Variants in RALGAPA1 observed in about 807,000 individuals in gnomAD.
RALGAPA1 encodes the protein Ral GTPase activating protein catalytic subunit alpha 1.
Under a neutral mutation model 269.6 loss-of-function variants are expected in RALGAPA1, and 52 were observed. The ratio of observed to expected loss-of-function variants is 0.19; its 90% CI spans 0.15 to 0.24. RALGAPA1 has a LOEUF of 0.24. Among genes scored for constraint, RALGAPA1 ranks in the 10% least tolerant of loss-of-function variants. The pLI is 1.00. For missense variants in RALGAPA1, 1,917 were observed against 3,013.9 expected (o/e 0.64, Z 8.52); for synonymous variants, 817 against 1,008.3 (o/e 0.81, Z 3.60).
intron 11 of RALGAPA1, among the ~76,000 whole-genome samples, chr14:35,738,942 T>C (rs1276234177): frequency 1.3e-5 from 2 of 152,170 alleles, no homozygotes; most frequent in Non-Finnish European, 2.9e-5. Flanking sequence ...AACCTCCCTT[T>C]CATACTCTCA....
At chr14:35,641,055 C>A (rs2061994786) in intron 31 of RALGAPA1, among the ~76,000 whole-genome samples, 1 of 151,866 alleles carries the variant, frequency 6.6e-6, no homozygotes, top group East Asian at 1.9e-4. Flanking sequence ...ACACCTCCTC[C>A]CCTCCCCCCA....
intron 16 of RALGAPA1, among the ~76,000 whole-genome samples, chr14:35,710,354 C>T (rs530015285): frequency 1.1e-4 from 16 of 152,260 alleles, no homozygotes; most frequent in African/African-American, 3.4e-4. Flanking sequence ...CTCTGCCTCT[C>T]GGGCTCAAGC....
At chr14:35,774,836 C>G (rs1374853295) in intron 3 of RALGAPA1, among the ~76,000 whole-genome samples, 170 bp downstream of exon 3, 1 of 151,980 alleles carries the variant, frequency 6.6e-6, no homozygotes, top group Non-Finnish European at 1.5e-5. Flanking sequence ...CATTGTACCT[C>G]AAAAAGTATA....
chr14:35,641,590 GAA>G (rs1220978118), intron 31 of RALGAPA1, among the ~76,000 whole-genome samples: 1 of 152,100 alleles, frequency 6.6e-6, no homozygotes, highest in African/African-American at 2.4e-5. Flanking sequence ...GAAAGAAATT[GAA>G]AAAGACACGA....
At chr14:35,602,689 T>C (rs190320914) in intron 36 of RALGAPA1, among the ~76,000 whole-genome samples, 28 of 152,304 alleles carry the variant, frequency 1.8e-4, no homozygotes, top group African/African-American at 6.5e-4. Flanking sequence ...AACTAGTTTG[T>C]ATATTCTAGA....
intron 34 of RALGAPA1, among the ~76,000 whole-genome samples, chr14:35,625,885 A>C (rs1191463710): frequency 1.3e-5 from 2 of 152,228 alleles, no homozygotes; most frequent in African/African-American, 4.8e-5. Context: ...AAAGCAGTGA[A>C]TAATTTTACC....
intron 41 of RALGAPA1, chr14:35,541,721 C>T: frequency 2.2e-6 from 1 of 456,774 alleles, no homozygotes. Flanking sequence ...TCACGAGAGG[C>T]CCTCCCATTG....
At chr14:35,741,489 C>G (rs1419936141) in intron 11 of RALGAPA1, among the ~76,000 whole-genome samples, 8 of 152,034 alleles carry the variant, frequency 5.3e-5, no homozygotes, top group Admixed American at 4.6e-4. Flanking sequence ...CACACACACG[C>G]TCAGGCTCAT....
At chr14:35,746,555 C>A (rs2072120082) in intron 10 of RALGAPA1, among the ~76,000 whole-genome samples, 1 of 152,012 alleles carries the variant, frequency 6.6e-6, no homozygotes, top group Admixed American at 6.6e-5. Flanking sequence ...GGGTATACCT[C>A]AATAAAGTTG....
intron 39 of RALGAPA1, among the ~76,000 whole-genome samples, chr14:35,564,200 T>G (rs1375565708): frequency 6.6e-6 from 1 of 152,206 alleles, no homozygotes; most frequent in Non-Finnish European, 1.5e-5. Context: ...ATCCTGAATT[T>G]GGTACTATTA....
intron 35 of RALGAPA1, among the ~76,000 whole-genome samples, chr14:35,618,748 GT>G (rs2060417021): frequency 6.6e-6 from 1 of 152,102 alleles, no homozygotes; most frequent in Non-Finnish European, 1.5e-5. Flanking sequence ...TCACTTCAGT[GT>G]TTGTAAACAA....
chr14:35,558,047 A>G (rs1295397206), intron 39 of RALGAPA1, among the ~76,000 whole-genome samples: 1 of 152,162 alleles, frequency 6.6e-6, no homozygotes, highest in Non-Finnish European at 1.5e-5. Flanking sequence ...AAGCTGACCA[A>G]GAAAACAGAA....
At chr14:35,685,750 A>G (rs1180766191) in intron 19 of RALGAPA1, among the ~76,000 whole-genome samples, 2 of 152,104 alleles carry the variant, frequency 1.3e-5, no homozygotes, top group African/African-American at 4.8e-5. Flanking sequence ...CTAAAAATAG[A>G]ACAATTATCC....
chr14:35,720,928 C>T (rs1269713853), intron 16 of RALGAPA1, among the ~76,000 whole-genome samples: 4 of 152,072 alleles, frequency 2.6e-5, no homozygotes, highest in East Asian at 3.9e-4. Context: ...TTAAAAAAAG[C>T]CTAGAAACGT....
chr14:35,639,672 G>C (rs1260203294), intron 31 of RALGAPA1, among the ~76,000 whole-genome samples: 1 of 152,200 alleles, frequency 6.6e-6, no homozygotes, highest in Non-Finnish European at 1.5e-5. Flanking sequence ...AGGTGCGGTG[G>C]CTCGTGCCTG....
intron 24 of RALGAPA1, 30 bp from the exon 25 acceptor site, chr14:35,673,052 A>G: frequency 7.3e-7 from 1 of 1,377,008 alleles, no homozygotes; most frequent in Non-Finnish European, 9.5e-7. Context: ...TTTAATGTTC[A>G]AAAAGAAATA....
rs1381855650 is a variant in RALGAPA1, at chr14:35,742,445, T to C, written c.1372A>G (p.Thr458Ala). ...TCAATGCAAGGGAGGTCTGAAGAAGTGATCACAATTTCTTCAGGCTCTTGC... is the reference window on the plus strand; with the variant it reads ...TCAATGCAAGGGAGGTCTGAAGAAGCGATCACAATTTCTTCAGGCTCTTGC... ...FMQEPEEIVI[T>A]SSDLPCIENV... Residue 458 changes from threonine to alanine, a missense_variant, in exon 11 of 42, where the codon ACT (threonine) becomes GCT (alanine). Physicochemically the swap from Thr to Ala is moderately conservative, Grantham distance 58. Around this residue, in one of 11 missense-constraint regions of RALGAPA1, gnomAD observed 462 missense variants for 725.6 expected, o/e 0.64. Transcript: ENST00000680220. The C allele has an allele frequency of 6.2e-7, 1 of 1,604,892 alleles. No homozygotes were observed. Among genetic ancestry groups the C allele is most frequent in the South Asian group, 1.1e-5 (1 of 90,670 alleles).
chr14:35,751,785 TAAA>T (rs796977694), intron 8 of RALGAPA1, among the ~76,000 whole-genome samples: 1 of 139,952 alleles, frequency 7.1e-6, no homozygotes, highest in Non-Finnish European at 1.5e-5. Context: ...CCCTGTCTCT[TAAA>T]AAAAACAACA....
intron 35 of RALGAPA1, among the ~76,000 whole-genome samples, chr14:35,609,919 C>A (rs1434536326): frequency 4.1e-5 from 6 of 146,736 alleles, no homozygotes; most frequent in Non-Finnish European, 6.0e-5. Context: ...CACGGTGAGA[C>A]CCTGTCTCCA....
Sources: allele counts gnomAD v4.1 joint callset (sites outside exome capture counted in the v4.1 genomes callset), GRCh38; gene constraint gnomAD v4.1.1; regional missense constraint gnomAD v4.1.1; transcripts MANE v1.5; gene names NCBI Gene and HGNC (gene_info 2026-07-23, HGNC 2026-07-21).